The following MLIP variants were observed in gnomAD, a reference collection of about 807,000 sequenced individuals.
MLIP encodes the protein muscular LMNA-interacting protein.
In MLIP, 79 loss-of-function variants were observed where a neutral mutation model predicts 84.8. The observed-to-expected ratio is 0.93, with a 90% CI of 0.78 to 1.12. The LOEUF is 1.12. MLIP is among the 50% of genes most tolerant of loss of function. MLIP has a pLI of 0.00. For synonymous variants in MLIP, 504 were observed against 463.0 expected (o/e 1.09, Z -1.14); for missense variants, 1,257 against 1,160.6 (o/e 1.08, Z -1.21).
intron 1 of MLIP, among the ~76,000 whole-genome samples, chr6:54,025,203 A>G (rs962597607): frequency 1.3e-5 from 2 of 151,868 alleles, no homozygotes; most frequent in African/African-American, 4.8e-5. Context: ...TTCTCTTTCT[A>G]ATTGTGTCTA....
At chr6:54,072,059 A>C (rs1175533013) in intron 1 of MLIP, among the ~76,000 whole-genome samples, 9 of 152,198 alleles carry the variant, frequency 5.9e-5, no homozygotes, top group African/African-American at 2.2e-4. Context: ...AATAGGCTTT[A>C]GTGGCGAAAA....
chr6:54,022,870 C>T (rs1217347505), intron 1 of MLIP, among the ~76,000 whole-genome samples: 2 of 151,832 alleles, frequency 1.3e-5, no homozygotes, highest in African/African-American at 4.8e-5. Flanking sequence ...AGTAATATTA[C>T]AAAAATAATG....
chr6:54,060,250 T>C (rs1582053554), intron 1 of MLIP, among the ~76,000 whole-genome samples: 2 of 152,336 alleles, frequency 1.3e-5, no homozygotes, highest in South Asian at 2.1e-4. Flanking sequence ...GTTAAATATA[T>C]GGCATTCTTG....
chr6:54,246,580 A>G (rs894355217), intron 12 of MLIP, among the ~76,000 whole-genome samples: 1 of 151,984 alleles, frequency 6.6e-6, no homozygotes, highest in Admixed American at 6.6e-5. Flanking sequence ...ATCTTGAGAC[A>G]TTTCTCTTAA....
chr6:54,089,202 A>T (rs1032722782), intron 1 of MLIP, among the ~76,000 whole-genome samples: 1 of 152,204 alleles, frequency 6.6e-6, no homozygotes, highest in Non-Finnish European at 1.5e-5. Context: ...CATTCTCTAC[A>T]TATGTAGCCA....
intron 1 of MLIP, among the ~76,000 whole-genome samples, chr6:54,073,666 A>T (rs946714469): frequency 9.9e-5 from 15 of 152,158 alleles, no homozygotes; most frequent in Non-Finnish European, 1.9e-4. Context: ...GAGAATTTGC[A>T]TTTCTAACAC....
At chr6:54,105,376 T>G (rs983579898) in intron 1 of MLIP, among the ~76,000 whole-genome samples, 3 of 152,206 alleles carry the variant, frequency 2.0e-5, no homozygotes, top group Non-Finnish European at 4.4e-5. Flanking sequence ...TCCATTTTCT[T>G]CTGAACAGTC....
intron 9 of MLIP, among the ~76,000 whole-genome samples, chr6:54,175,408 C>T (rs771317572): frequency 1.3e-5 from 2 of 151,678 alleles, no homozygotes; most frequent in Non-Finnish European, 3.0e-5. Context: ...TGTGTGTCCT[C>T]TTCAATTTCT....
chr6:54,115,021 A>C (rs915077131), intron 1 of MLIP, among the ~76,000 whole-genome samples: 2 of 152,128 alleles, frequency 1.3e-5, no homozygotes, highest in African/African-American at 2.4e-5. Context: ...AATGTGGGAG[A>C]GATGTTAGAG....
intron 1 of MLIP, among the ~76,000 whole-genome samples, chr6:54,094,504 T>A (rs1768075924): frequency 6.6e-6 from 1 of 152,178 alleles, no homozygotes; most frequent in Non-Finnish European, 1.5e-5. Context: ...CAAAAGCTCT[T>A]ACTTGTGTGG....
chr6:54,093,869 T>A (rs1385513697), intron 1 of MLIP, among the ~76,000 whole-genome samples: 1 of 152,206 alleles, frequency 6.6e-6, no homozygotes, highest in Non-Finnish European at 1.5e-5. Context: ...AAAGACGGTA[T>A]GGCCCACAAA....
intron 4 of MLIP, among the ~76,000 whole-genome samples, chr6:54,141,880 C>T (rs763772861): frequency 3.9e-5 from 6 of 152,130 alleles, no homozygotes; most frequent in Admixed American, 1.3e-4. Flanking sequence ...CATGGGCCTG[C>T]CCTGGGCTTA....
At chr6:54,218,667 C>T (rs34961553) in intron 11 of MLIP, among the ~76,000 whole-genome samples, 102,765 of 151,762 alleles carry the variant, frequency 0.68, 37,889 homozygotes, top group Non-Finnish European at 0.81. Flanking sequence ...TACAGGTGCA[C>T]GCCATCATAC....
intron 1 of MLIP, 42 bp from the exon 2 acceptor site, chr6:54,121,405 C>G (rs1363225183): frequency 3.1e-6 from 5 of 1,602,280 alleles, no homozygotes; most frequent in Admixed American, 1.7e-5. Flanking sequence ...CAAGATAAAC[C>G]TTTGACAAGG....
intron 1 of MLIP, among the ~76,000 whole-genome samples, chr6:54,058,461 G>A (rs1045240526): frequency 1.1e-4 from 17 of 152,148 alleles, no homozygotes; most frequent in African/African-American, 3.9e-4. Context: ...CTGGAGAAAG[G>A]GTAGCCTTTA....
rs189769485 is a variant in MLIP at position 54,255,632 on chromosome 6, A to G, written c.2923-1676A>G. 1.6e-3 allele frequency among the ~76,000 whole-genome samples: 239 copies of G among 152,298 alleles called. 2 individuals are homozygous for G. The highest frequency in any genetic ancestry group is 5.0e-3 in the African/African-American group (206 of 41,578). On this transcript the variant is annotated intron_variant, in intron 12 of 13. Coordinates refer to ENST00000502396, the MANE Select transcript of MLIP (RefSeq NM_001281747.2). The stretch of plus-strand genomic sequence containing the variant: ...TTTCATTGATTAGGATAATCAACAC[A>G]TAGTTTTTGAAATTCAAGATTAAAA...
chr6:54,186,166 C>A (rs1041665962), intron 9 of MLIP, among the ~76,000 whole-genome samples: 16 of 152,270 alleles, frequency 1.1e-4, no homozygotes, highest in African/African-American at 3.1e-4. Context: ...AACATGGAAC[C>A]ATGAGGCTTT....
intron 11 of MLIP, among the ~76,000 whole-genome samples, chr6:54,230,003 C>T (rs843827): frequency 0.13 from 20,403 of 151,998 alleles, 1,561 homozygotes; most frequent in African/African-American, 0.2. Flanking sequence ...TGTAGTAGTT[C>T]CTACTTCCTC....
intron 1 of MLIP, among the ~76,000 whole-genome samples, chr6:54,024,609 A>C (rs1462306813): frequency 6.6e-6 from 1 of 152,164 alleles, no homozygotes; most frequent in African/African-American, 2.4e-5. Context: ...ATACATAATA[A>C]AGTCCTAGCC....
Sources: gnomAD v4.1 joint callset for allele counts (sites outside exome capture counted in the v4.1 genomes callset) on GRCh38, gnomAD v4.1.1 for gene constraint, MANE v1.5 for transcripts, NCBI Gene and HGNC (gene_info 2026-07-23, HGNC 2026-07-21) for gene names.